The following TEX264 variants were observed in gnomAD, a reference collection of about 807,000 sequenced individuals.
TEX264 encodes the protein testis-expressed protein 264.
A neutral mutation model predicts 23.4 loss-of-function variants in TEX264; 13 were observed. The observed-to-expected ratio is 0.56, with a 90% CI of 0.36 to 0.88. The LOEUF is 0.88. Among genes scored for constraint, TEX264 ranks in the 40% least tolerant of loss-of-function variants. The pLI is 0.01. For synonymous variants in TEX264, 159 were observed against 170.0 expected (o/e 0.94, Z 0.50); for missense variants, 340 against 406.8 (o/e 0.84, Z 1.41).
At chr3:51,692,755 G>C (rs973095442) in intron 3 of TEX264, among the ~76,000 whole-genome samples, 4 of 152,250 alleles carry the variant, frequency 2.6e-5, no homozygotes, top group African/African-American at 7.2e-5. Context: ...GCCTGCGATG[G>C]TAGAGCCATC....
chr3:51,680,371 CA>C (rs1287766937), intron 2 of TEX264, among the ~76,000 whole-genome samples: 1 of 152,184 alleles, frequency 6.6e-6, no homozygotes, highest in East Asian at 1.9e-4. Context: ...TAGCCTCACA[CA>C]ATAGGGTCGG....
At chr3:51,671,896 C>T (rs1405420307) in intron 1 of TEX264, 17 of 152,260 alleles carry the variant, frequency 1.1e-4, no homozygotes. Context: ...CCCTGAGGCT[C>T]GCTGGCACCG....
At chr3:51,693,988 T>TTCCC (rs1192349678) in intron 3 of TEX264, among the ~76,000 whole-genome samples, 3 of 4,104 alleles carry the variant, frequency 7.3e-4, no homozygotes, top group African/African-American at 3.3e-3. Context: ...ATCCCTTTCT[T>TTCCC]TCCTTCCTTC....
chr3:51,694,557 G>A (rs13090011), intron 3 of TEX264: 113,789 of 152,230 alleles, frequency 0.75, 43,456 homozygotes, highest in Middle Eastern at 0.85. Context: ...AAGATCAGGT[G>A]CATTCAGGGT....
Position 51,674,235 on chromosome 3 carries a change from G to A in TEX264, c.-34-36G>A, listed in dbSNP as rs937574329. On this transcript the variant is annotated intron_variant, in intron 1 of 4. Coordinates refer to ENST00000341333, the MANE Select transcript of TEX264 (RefSeq NM_015926.6). ...GCAAGTGGGCACATTGTCAGAGTAG[G>A]CTACCAGCCTCCTCTCCCTTCTTTC... 193 of 1,596,894 alleles carry A rather than the reference G, an allele frequency of 1.2e-4. No homozygotes were observed. In the Admixed American group the frequency reaches 3.1e-3, roughly 26 times the overall value.
chr3:51,689,452 T>TAA (rs60760403), intron 3 of TEX264, among the ~76,000 whole-genome samples: 181 of 121,186 alleles, frequency 1.5e-3, no homozygotes, highest in African/African-American at 4.2e-3. Flanking sequence ...GTAAAAACAT[T>TAA]AAAAAAAAAA....
chr3:51,673,144 C>A (rs1272074646), intron 1 of TEX264, among the ~76,000 whole-genome samples: 1 of 152,200 alleles, frequency 6.6e-6, no homozygotes, highest in African/African-American at 2.4e-5. Context: ...GCTAAGTATT[C>A]CACAAAGTTG....
chr3:51,688,668 T>C (rs1312181444), intron 3 of TEX264, among the ~76,000 whole-genome samples: 1 of 151,958 alleles, frequency 6.6e-6, no homozygotes, highest in Admixed American at 6.6e-5. Flanking sequence ...GGCTGGGGAG[T>C]GCAGGTGGCC....
intron 1 of TEX264, among the ~76,000 whole-genome samples, chr3:51,673,507 A>T (rs758441750): frequency 6.6e-6 from 1 of 152,016 alleles, no homozygotes; most frequent in Non-Finnish European, 1.5e-5. Context: ...TTTTCCTCTT[A>T]CTACTCACTG....
chr3:51,703,968 T>C lies in TEX264; in HGVS notation c.894T>C (p.Thr298=), dbSNP rs763993825. 7.7e-5 allele frequency: 121 copies of C among 1,566,302 alleles called. No individual in the cohort carries two copies. Among genetic ancestry groups the C allele is most frequent in the Non-Finnish European group, 9.4e-5 (108 of 1,151,488 alleles). ...ACCCTGGGACTGAGCCCCTGGGGAC[T>C]ACCAAGTGGCTCTGGGAGCCCACTG... ...RLDPGTEPLG[T]TKWLWEPTAP... is the part of the protein sequence containing the mutation. Residue 298 remains threonine, a synonymous_variant, in exon 5 of 5, where the codon ACT becomes ACC. Coordinates refer to ENST00000341333, the MANE Select transcript of TEX264 (RefSeq NM_015926.6). This position sits in a 1 kb window ranked among gnomAD's most constrained non-coding sequence, Gnocchi z 4.8.
intron 2 of TEX264, chr3:51,683,015 G>A (rs542596359): frequency 6.5e-6 from 1 of 152,726 alleles, no homozygotes; most frequent in Non-Finnish European, 1.5e-5. Context: ...GGCTGTAATG[G>A]GAGGGAGAGG....
chr3:51,677,825 G>T (rs1169750917), intron 2 of TEX264, among the ~76,000 whole-genome samples: 2 of 152,210 alleles, frequency 1.3e-5, no homozygotes, highest in Non-Finnish European at 2.9e-5. Flanking sequence ...GAGGCTGCAG[G>T]TCTGGGTGAG....
At chr3:51,685,025 A>G (rs1702568076) in intron 3 of TEX264, among the ~76,000 whole-genome samples, 1 of 152,240 alleles carries the variant, frequency 6.6e-6, no homozygotes, top group Non-Finnish European at 1.5e-5. Flanking sequence ...GTGTCTGGGC[A>G]GGCCCCAGGT....
intron 2 of TEX264, chr3:51,681,873 T>G (rs1041529488): frequency 6.6e-6 from 1 of 152,252 alleles, no homozygotes; most frequent in Non-Finnish European, 1.5e-5. Flanking sequence ...GAGCCTTGCC[T>G]ATTGGCTTGT....
At chr3:51,694,908 G>A (rs536133092) in intron 3 of TEX264, among the ~76,000 whole-genome samples, 1 of 152,298 alleles carries the variant, frequency 6.6e-6, no homozygotes, top group East Asian at 1.9e-4. Context: ...GCCTGGTGGG[G>A]GTGAGAGGAA....
intron 3 of TEX264, among the ~76,000 whole-genome samples, chr3:51,694,037 TCCTTCCTTCCTC>T (rs1440164486): frequency 4.5e-4 from 49 of 109,986 alleles, no homozygotes; most frequent in African/African-American, 1.7e-3. Context: ...CTTCCTTCCT[TCCTTCCTTCCTC>T]CCTTCCCTTC....
At chr3:51,699,327 C>A in intron 3 of TEX264, 79 bp from the exon 4 acceptor site, 1 of 1,473,718 alleles carries the variant, frequency 6.8e-7, no homozygotes, top group African/African-American at 1.4e-5. Context: ...AGGTAATAGA[C>A]AGTTCTGGGG....
rs1702610548 is a variant in TEX264 at position 51,686,089 on chromosome 3, T to C, written c.480+1455T>C. Among the ~76,000 whole-genome samples the C allele has an allele frequency of 6.6e-6, 1 of 152,018 alleles. No homozygotes were observed. Among genetic ancestry groups the C allele is most frequent in the African/African-American group, 2.4e-5 (1 of 41,356 alleles). On this transcript the variant is annotated intron_variant, in intron 3 of 4. Transcript: ENST00000341333. The surrounding 1 kb of genome is among the most constrained non-coding windows in gnomAD (Gnocchi z 4.1). ...TCAGGGGAGCTGCCTGAGATACATC[T>C]AAGTTGGGGGGTGTGGAGTCAGCAA...
At chr3:51,699,132 G>A (rs1486313122) in intron 3 of TEX264, among the ~76,000 whole-genome samples, 1 of 152,168 alleles carries the variant, frequency 6.6e-6, no homozygotes, top group Non-Finnish European at 1.5e-5. Context: ...GTACACATAG[G>A]AGAGCAGTGC....
Sources: allele counts gnomAD v4.1 joint callset (sites outside exome capture counted in the v4.1 genomes callset), GRCh38; gene constraint gnomAD v4.1.1; non-coding constraint Gnocchi (gnomAD v3.1); transcripts MANE v1.5; gene names NCBI Gene and HGNC (gene_info 2026-07-23, HGNC 2026-07-21).